Variants in WWC2 observed in about 807,000 individuals in gnomAD.
The protein encoded by WWC2 is WW and C2 domain containing 2.
WWC2 carries 101 observed loss-of-function variants against 138.5 expected under a neutral mutation model. The observed-to-expected ratio is 0.73, with a 90% CI of 0.62 to 0.86. The LOEUF is 0.86. Among genes scored for constraint, WWC2 ranks in the 40% least tolerant of loss-of-function variants. The probability of loss-of-function intolerance (pLI) is 0.00; values close to 1 mark genes in which losing one functional copy is unlikely to be tolerated. For synonymous variants in WWC2, 558 were observed against 538.4 expected (o/e 1.04, Z -0.50); for missense variants, 1,420 against 1,419.4 (o/e 1.00, Z -0.01).
intron 1 of WWC2, among the ~76,000 whole-genome samples, chr4:183,133,767 T>C (rs978812113): frequency 6.6e-6 from 1 of 152,232 alleles, no homozygotes; most frequent in Non-Finnish European, 1.5e-5. Context: ...AGTGCTGGGA[T>C]TACAGGCGTG....
At chr4:183,232,994 C>T (rs1299217131) in intron 4 of WWC2, among the ~76,000 whole-genome samples, 13 of 151,950 alleles carry the variant, frequency 8.6e-5, no homozygotes, top group Non-Finnish European at 1.6e-4. Context: ...TGTTTTTTTG[C>T]CACTTTTTGG....
At chr4:183,224,146 GTACT>G (rs1736005290) in intron 4 of WWC2, among the ~76,000 whole-genome samples, 1 of 152,176 alleles carries the variant, frequency 6.6e-6, no homozygotes, top group Non-Finnish European at 1.5e-5. Flanking sequence ...TCCCCATGGT[GTACT>G]TAAATTCCTT....
At position 183,320,263 on chromosome 4, in the gene WWC2, G is replaced by A. The variant is rs771360497; in HGVS notation, c.*4534G>A. ...TAGCCAAACTAACTCCTGCCCTTCG[G>A]TTGCTGTGAAAAGAAGTGTGACACT... On this transcript the variant is annotated 3_prime_UTR_variant, in exon 23 of 23. Coordinates refer to ENST00000403733, the MANE Select transcript of WWC2 (RefSeq NM_024949.6). 1.3e-6 allele frequency: 2 copies of A among 1,541,382 alleles called. No homozygotes were observed. The highest frequency in any genetic ancestry group is 4.5e-5 in the East Asian group (2 of 44,372).
chr4:183,114,811 T>G (rs1010974572), intron 1 of WWC2, among the ~76,000 whole-genome samples: 6 of 151,488 alleles, frequency 4.0e-5, no homozygotes, highest in South Asian at 2.1e-4. Context: ...CCGTAGGTTG[T>G]TTGTTTGTTT....
chr4:183,164,329 A>ATATATATATACATATATATAT (rs1734059148), intron 1 of WWC2, among the ~76,000 whole-genome samples: 1 of 834 alleles, frequency 1.2e-3, no homozygotes, highest in African/African-American at 2.1e-3. Flanking sequence ...ACATATATAT[A>ATATATATATACATATATATAT]TATATATACA....
At chr4:183,312,258 A>C (rs1000500705) in intron 21 of WWC2, 83 bp from the exon 22 acceptor site, 5 of 1,564,006 alleles carry the variant, frequency 3.2e-6, no homozygotes, top group Admixed American at 1.7e-5. Flanking sequence ...TTTAGTCCAC[A>C]ATCTTTGAAG....
chr4:183,175,415 C>T (rs908771482), intron 1 of WWC2, among the ~76,000 whole-genome samples: 1 of 152,074 alleles, frequency 6.6e-6, no homozygotes, highest in Non-Finnish European at 1.5e-5. Context: ...GCACACGCCA[C>T]CACACCCGGT....
chr4:183,133,476 A>G (rs1009726250), intron 1 of WWC2, among the ~76,000 whole-genome samples: 6 of 151,044 alleles, frequency 4.0e-5, no homozygotes, highest in Admixed American at 4.0e-4. Flanking sequence ...TTGGTTTACA[A>G]TTTTACTTTC....
At chr4:183,176,171 A>T (rs1386386446) in intron 1 of WWC2, among the ~76,000 whole-genome samples, 1 of 152,240 alleles carries the variant, frequency 6.6e-6, no homozygotes, top group African/African-American at 2.4e-5. Context: ...GCTAGAGAGC[A>T]CACAGAAATA....
At chr4:183,260,182 C>CT (rs556257024) in intron 10 of WWC2, among the ~76,000 whole-genome samples, 86 of 151,220 alleles carry the variant, frequency 5.7e-4, no homozygotes, top group African/African-American at 7.5e-4. Context: ...AAATAAAAAG[C>CT]TTTTTTTTTA....
At chr4:183,240,642 G>A (rs1736586291) in intron 5 of WWC2, 1 of 158,874 alleles carries the variant, frequency 6.3e-6, no homozygotes, top group Non-Finnish European at 1.4e-5. Context: ...CCCTGTGTGA[G>A]CCTGCAGCTG....
Position 183,239,985 on chromosome 4 carries a change from A to T in WWC2, c.523-198A>T, listed in dbSNP as rs1736565364. Reference sequence around the variant, plus strand: ...AATGAAGGTAAATAGTAGTAATAATACACATCACTGATAGTTTTAAACATC... The same window carrying T: ...AATGAAGGTAAATAGTAGTAATAATTCACATCACTGATAGTTTTAAACATC... On this transcript the variant is annotated intron_variant, in intron 4 of 22. Transcript: ENST00000403733. Among the ~76,000 whole-genome samples the T allele has an allele frequency of 3.9e-5, 6 of 152,346 alleles. No homozygotes were observed. In the South Asian group the frequency reaches 1.2e-3, roughly 32 times the overall value.
chr4:183,311,988 C>G (rs548172968), intron 21 of WWC2, among the ~76,000 whole-genome samples: 1 of 152,210 alleles, frequency 6.6e-6, no homozygotes, highest in East Asian at 1.9e-4. Context: ...TGTATTTGCC[C>G]AAAACATTCT....
chr4:183,218,299 A>G (rs942170639), intron 4 of WWC2, among the ~76,000 whole-genome samples: 3 of 152,156 alleles, frequency 2.0e-5, no homozygotes, highest in African/African-American at 7.2e-5. Context: ...ATGCAAATCA[A>G]AATTACAAGG....
At chr4:183,293,225 G>T (rs929946908) in intron 21 of WWC2, among the ~76,000 whole-genome samples, 14 of 152,274 alleles carry the variant, frequency 9.2e-5, no homozygotes, top group Admixed American at 9.2e-4. Context: ...AAAGTGCTGG[G>T]ATTACAGGCA....
chr4:183,202,071 T>TG (rs1477676428), intron 2 of WWC2, among the ~76,000 whole-genome samples: 1 of 152,114 alleles, frequency 6.6e-6, no homozygotes, highest in Non-Finnish European at 1.5e-5. Context: ...TGTGGTTTCC[T>TG]GGGGAAGGAA....
intron 6 of WWC2, among the ~76,000 whole-genome samples, chr4:183,247,480 T>C (rs1466266147): frequency 6.9e-6 from 1 of 144,976 alleles, no homozygotes; most frequent in Non-Finnish European, 1.5e-5. Flanking sequence ...TCCTCATATA[T>C]ATATACTATA....
At chr4:183,178,642 C>T (rs1734535017) in intron 1 of WWC2, among the ~76,000 whole-genome samples, 1 of 151,682 alleles carries the variant, frequency 6.6e-6, no homozygotes, top group Non-Finnish European at 1.5e-5. Context: ...TACTTCCCCA[C>T]AAGCTATTAA....
chr4:183,233,565 T>C (rs1017124272), intron 4 of WWC2: 1 of 152,200 alleles, frequency 6.6e-6, no homozygotes, highest in Non-Finnish European at 1.5e-5. Context: ...ATGTAATTTT[T>C]CTCATTGGCT....
Sources: allele counts gnomAD v4.1 joint callset (sites outside exome capture counted in the v4.1 genomes callset), GRCh38; gene constraint gnomAD v4.1.1; transcripts MANE v1.5; gene names NCBI Gene and HGNC (gene_info 2026-07-23, HGNC 2026-07-21).